The following R3HDM2 variants were observed in gnomAD, a reference collection of about 807,000 sequenced individuals.
The protein encoded by R3HDM2 is R3H domain containing 2.
In R3HDM2, 38 loss-of-function variants were observed where a neutral mutation model predicts 124.5. The ratio of observed to expected loss-of-function variants is 0.31; its 90% CI spans 0.24 to 0.40. The LOEUF (loss-of-function observed/expected upper bound fraction) is 0.40. Ranked by LOEUF, R3HDM2 falls within the 10% of genes least tolerant of loss-of-function variation. R3HDM2 has a pLI of 1.00. For missense variants in R3HDM2, 869 were observed against 1,236.9 expected, an observed-to-expected ratio of 0.70 and a Z score of 4.46; for synonymous variants, 391 against 448.0, an observed-to-expected ratio of 0.87 and a Z score of 1.61.
intron 12 of R3HDM2, among the ~76,000 whole-genome samples, chr12:57,288,144 G>A (rs751592604): frequency 2.1e-4 from 31 of 150,564 alleles, no homozygotes; most frequent in Admixed American, 7.3e-4. Flanking sequence ...TCAGCCTCCC[G>A]AGAGGCACCC....
intron 14 of R3HDM2, among the ~76,000 whole-genome samples, chr12:57,271,437 TACACACACACAC>T (rs34695167): frequency 6.7e-6 from 1 of 149,420 alleles, no homozygotes; most frequent in Non-Finnish European, 1.5e-5. Flanking sequence ...TGGACAGTAA[TACACACACACAC>T]ACACACACAC....
intron 4 of R3HDM2, 102 bp downstream of exon 4, chr12:57,303,074 C>T (rs2051630563): frequency 5.3e-6 from 6 of 1,140,460 alleles, no homozygotes; most frequent in Non-Finnish European, 7.7e-6. Flanking sequence ...GGCAAGAAAA[C>T]TCTGCCTACA....
chr12:57,367,008 GT>G (rs2062743375), intron 2 of R3HDM2, among the ~76,000 whole-genome samples: 1 of 151,510 alleles, frequency 6.6e-6, no homozygotes, highest in African/African-American at 2.4e-5. Flanking sequence ...TTGAGACTTA[GT>G]GACTTAGAAA....
At chr12:57,347,078 G>A (rs1013042425) in intron 2 of R3HDM2, among the ~76,000 whole-genome samples, 1 of 151,930 alleles carries the variant, frequency 6.6e-6, no homozygotes, top group African/African-American at 2.4e-5. Flanking sequence ...GACCCTATCT[G>A]TACAAAAAAA....
chr12:57,332,395 A>G (rs989824636), intron 2 of R3HDM2, among the ~76,000 whole-genome samples: 1 of 110,490 alleles, frequency 9.1e-6, no homozygotes, highest in South Asian at 3.4e-4. Context: ...TCCAGCCTGG[A>G]GTGAGACCCT....
chr12:57,289,810 A>G (rs1026937833), intron 11 of R3HDM2, among the ~76,000 whole-genome samples: 1 of 152,144 alleles, frequency 6.6e-6, no homozygotes, highest in African/African-American at 2.4e-5. Flanking sequence ...ATTTCCATCC[A>G]AACACCCTTC....
rs201373861 is a variant in R3HDM2 at position 57,361,687 on chromosome 12, C to CA, written c.-36+34061dup. On this transcript the variant is annotated intron_variant, in intron 2 of 23. Transcript: ENST00000402412. The stretch of plus-strand genomic sequence containing the variant: ...CTGGGTGACAAAGTGAGACTGTCTC[C>CA]AAAAAAAAACCTAAGAAAGGCATAC... 4.6e-3 allele frequency among the ~76,000 whole-genome samples: 674 copies of CA among 147,438 alleles called. 8 individuals are homozygous for CA. The highest frequency in any genetic ancestry group is 0.016 in the African/African-American group (635 of 40,156).
At chr12:57,340,731 C>T (rs1044197421) in intron 2 of R3HDM2, among the ~76,000 whole-genome samples, 15 of 152,142 alleles carry the variant, frequency 9.9e-5, no homozygotes, top group African/African-American at 3.4e-4. Flanking sequence ...TTTAAAGGTA[C>T]TTTTCCACAT....
At chr12:57,430,497 A>ACCCCCCCCCACCCCCCC in intron 1 of R3HDM2, 1 of 381,596 alleles carries the variant, frequency 2.6e-6, no homozygotes, top group Non-Finnish European at 3.5e-6. Context: ...CTGCCCCCGC[A>ACCCCCCCCCACCCCCCC]CCGCCGCCCT....
chr12:57,320,671 A>G (rs1396062907), intron 2 of R3HDM2, among the ~76,000 whole-genome samples: 1 of 152,132 alleles, frequency 6.6e-6, no homozygotes, highest in Non-Finnish European at 1.5e-5. Context: ...GGAAGCCAAG[A>G]TTCACCTATT....
In R3HDM2 at chr12:57,254,971, C is replaced by T; in HGVS notation, c.2775G>A (p.Gly925=). The change falls in exon 24 of 24, where the codon GGG becomes GGA. Residue 925 remains glycine (G), a synonymous_variant. Transcript: ENST00000402412. The part of the protein sequence containing the change: ...KDAQGLPGGG[G]GDNSGTAENG... ...TCTCAGCAGTCCCACTGTTGTCCCC[C>T]CCACCCCCTCCAGGCAGCCCCTGAG... is the stretch of plus-strand genomic sequence containing the variant. 1 of 1,614,078 alleles carries T rather than the reference C, an allele frequency of 6.2e-7. No homozygotes were observed. Among genetic ancestry groups the T allele is most frequent in the Non-Finnish European group, 8.5e-7 (1 of 1,180,000 alleles).
intron 12 of R3HDM2, among the ~76,000 whole-genome samples, chr12:57,286,608 G>A (rs879423559): frequency 8.5e-5 from 13 of 152,154 alleles, no homozygotes; most frequent in Non-Finnish European, 1.8e-4. Context: ...AGGGCCAGGC[G>A]CGGTGGCTCA....
At chr12:57,337,389 G>C (rs750988069) in intron 2 of R3HDM2, among the ~76,000 whole-genome samples, 4 of 152,032 alleles carry the variant, frequency 2.6e-5, no homozygotes, top group African/African-American at 4.8e-5. Context: ...GGGCTCAAGG[G>C]ATCTGCCTAT....
intron 1 of R3HDM2, among the ~76,000 whole-genome samples, chr12:57,428,744 T>C (rs1227994104): frequency 8.6e-6 from 1 of 116,302 alleles, no homozygotes; most frequent in Non-Finnish European, 1.9e-5. Flanking sequence ...TTAGGCATGC[T>C]ATTATTTTTT....
At chr12:57,339,210 TGGTC>T (rs1278527629) in intron 2 of R3HDM2, among the ~76,000 whole-genome samples, 1 of 151,618 alleles carries the variant, frequency 6.6e-6, no homozygotes, top group African/African-American at 2.4e-5. Context: ...TTGGCCAGGC[TGGTC>T]TCAAACTCCT....
At chr12:57,270,796 T>C (rs1257515655) in intron 14 of R3HDM2, among the ~76,000 whole-genome samples, 3 of 151,846 alleles carry the variant, frequency 2.0e-5, no homozygotes, top group Admixed American at 1.3e-4. Context: ...CTTGAACTCC[T>C]GAACTCAAGT....
chr12:57,392,651 T>C (rs2066874016), intron 2 of R3HDM2, among the ~76,000 whole-genome samples: 2 of 152,114 alleles, frequency 1.3e-5, no homozygotes, highest in Admixed American at 6.6e-5. Context: ...TAGAGTGCAA[T>C]GGCGCGATCT....
At chr12:57,396,814 T>C (rs1219464111) in intron 1 of R3HDM2, among the ~76,000 whole-genome samples, 1 of 148,750 alleles carries the variant, frequency 6.7e-6, no homozygotes, top group African/African-American at 2.5e-5. Flanking sequence ...AGGCTGCGCA[T>C]GGTGGCTCAC....
At chr12:57,403,059 A>G (rs2068187348) in intron 1 of R3HDM2, among the ~76,000 whole-genome samples, 1 of 152,126 alleles carries the variant, frequency 6.6e-6, no homozygotes, top group South Asian at 2.1e-4. Flanking sequence ...GTTTGGGGGT[A>G]TAAGAGCAAG....
Sources: allele counts gnomAD v4.1 joint callset (sites outside exome capture counted in the v4.1 genomes callset), GRCh38; gene constraint gnomAD v4.1.1; transcripts MANE v1.5; gene names NCBI Gene and HGNC (gene_info 2026-07-23, HGNC 2026-07-21).